The following NUP214 variants were observed in gnomAD, a reference collection of about 807,000 sequenced individuals.
NUP214 encodes nuclear pore complex protein Nup214.
Under a neutral mutation model 196.2 loss-of-function variants are expected in NUP214, and 79 were observed. The observed-to-expected ratio is 0.40, with a 90% CI of 0.34 to 0.49. The LOEUF is 0.49. NUP214 is among the 20% of genes least tolerant of loss of function. The pLI, the probability that NUP214 is intolerant of heterozygous loss-of-function variation, is 0.58. For synonymous variants in NUP214, 1,020 were observed against 990.5 expected, an observed-to-expected ratio of 1.03 and a Z score of -0.56; for missense variants, 2,468 against 2,539.0, an observed-to-expected ratio of 0.97 and a Z score of 0.60.
At chr9:131,144,093 A>C (rs924767145) in intron 11 of NUP214, among the ~76,000 whole-genome samples, 187 bp from the exon 12 acceptor site, 1 of 152,136 alleles carries the variant, frequency 6.6e-6, no homozygotes, top group Non-Finnish European at 1.5e-5. Context: ...GTTTTCCTTC[A>C]GTTTCATTTA....
At chr9:131,138,557 A>C (rs1392684296) in intron 9 of NUP214, among the ~76,000 whole-genome samples, 5 of 152,140 alleles carry the variant, frequency 3.3e-5, no homozygotes, top group African/African-American at 9.7e-5. Flanking sequence ...TTCCCCTGTG[A>C]TTCATGCTTC....
chr9:131,156,922 C>T (rs1832468923), intron 17 of NUP214, among the ~76,000 whole-genome samples: 1 of 152,152 alleles, frequency 6.6e-6, no homozygotes, highest in Non-Finnish European at 1.5e-5. Flanking sequence ...GTGTATAGCA[C>T]ATTATCTCCA....
chr9:131,139,359 C>G lies in NUP214; in HGVS notation c.1084C>G (p.Pro362Ala). Reference protein sequence around the residue: ...PVTDKSDDSLPMGVVVDYTNQ... With the variant: ...PVTDKSDDSLAMGVVVDYTNQ... ...GACAGACAAGAGTGATGACTCCTTGCCCATGGGAGTTGTCGTAGACTATAC... is the reference window on the plus strand; with the variant it reads ...GACAGACAAGAGTGATGACTCCTTGGCCATGGGAGTTGTCGTAGACTATAC... Residue 362 changes from proline to alanine, a missense_variant, in exon 10 of 36, where the codon CCC (proline) becomes GCC (alanine). Pro to Ala is a conservative substitution (Grantham distance 27, BLOSUM62 -1). Transcript: ENST00000359428. 1.2e-6 allele frequency: 2 copies of G among 1,606,140 alleles called. No individual in the cohort carries two copies. Among genetic ancestry groups the G allele is most frequent in the Non-Finnish European group, 1.7e-6 (2 of 1,177,252 alleles).
Position 131,228,267 on chromosome 9 carries a change from C to T in NUP214, c.6010C>T (p.Leu2004=). 6.2e-7 allele frequency: 1 copy of T among 1,604,698 alleles called. No homozygotes were observed. The highest frequency in any genetic ancestry group is 1.1e-5 in the South Asian group (1 of 89,812). The change falls in exon 33 of 36, where the codon CTG becomes TTG. Residue 2004 remains leucine (L), a synonymous_variant. Transcript: ENST00000359428. ...FGSAPAFTSP[L]GSTGGKVFGE... ...TTCAGCCCCAGCCTTTACAAGCCCT[C>T]TGGGCTCGACGGGAGGCAAAGTGTT...
intron 17 of NUP214, among the ~76,000 whole-genome samples, chr9:131,152,448 C>T (rs892294525): frequency 4.0e-5 from 6 of 151,766 alleles, no homozygotes; most frequent in Admixed American, 1.3e-4. Flanking sequence ...ATAGAGAATA[C>T]TCTGTTGAAA....
At chr9:131,175,723 C>A in intron 23 of NUP214, 102 bp downstream of exon 23, 2 of 1,448,042 alleles carry the variant, frequency 1.4e-6, no homozygotes, top group South Asian at 1.4e-5. Flanking sequence ...CTCTTTGGTG[C>A]CCTTCAGAAG....
Position 131,197,858 on chromosome 9 carries a change from C to T in NUP214, c.4364C>T (p.Pro1455Leu), listed in dbSNP as rs1337633331. The change falls in exon 29 of 36, where the codon CCA (proline) becomes CTA (leucine). Residue 1455 changes from proline (P) to leucine (L), a missense_variant. By Grantham distance (98) the Pro-to-Leu change is moderately conservative (BLOSUM62 -3). Around this residue, in one of 5 missense-constraint regions of NUP214, gnomAD observed 1,801 missense variants for 1,779.4 expected, o/e 1.01. Coordinates refer to ENST00000359428, the MANE Select transcript of NUP214 (RefSeq NM_005085.4). ...QTNSTVPPSAPPPTTAATPLP... is the reference protein window; with the variant it reads ...QTNSTVPPSALPPTTAATPLP... ...AATAGCACAGTGCCCCCATCTGCCC[C>T]ACCACCAACTACAGCTGCCACTCCC... The T allele has an allele frequency of 3.1e-6, 5 of 1,613,440 alleles. No individual in the cohort carries two copies. Among genetic ancestry groups the T allele is most frequent in the African/African-American group, 1.3e-5 (1 of 74,938 alleles).
In NUP214 at chr9:131,174,138, T is replaced by A. The variant is rs756022008; in HGVS notation, c.2977T>A (p.Ser993Thr). The A allele has an allele frequency of 2.5e-6, 4 of 1,613,732 alleles. No individual in the cohort carries two copies. The South Asian group carries it at 3.3e-5, about 13-fold the overall frequency. ...CAGCTCAACGTCATCTGTCTCCCAG[T>A]CTCTGGAGAGTGAAGATGCACGGAC... Reference protein sequence around the residue: ...EVSSTSSVSQSLESEDARTSC... With the variant: ...EVSSTSSVSQTLESEDARTSC... Residue 993 changes from serine (S) to threonine (T), a missense_variant, in exon 22 of 36, where the codon TCT becomes ACT. Transcript: ENST00000359428.
rs1831327026 is a variant in NUP214, at chr9:131,125,732, C to G, written c.28C>G (p.Pro10Ala). The change falls in exon 1 of 36, where the codon CCC becomes GCC. Residue 10 changes from proline (P) to alanine (A), a missense_variant. By Grantham distance (27) the Pro-to-Ala change is conservative (BLOSUM62 -1). Coordinates refer to ENST00000359428, the MANE Select transcript of NUP214 (RefSeq NM_005085.4). The surrounding 1 kb of genome is among the most constrained non-coding windows in gnomAD (Gnocchi z 4.1). The part of the protein sequence containing the change: MGDEMDAMI[P>A]EREMKDFQFR... ...GGGAGACGAGATGGATGCCATGATT[C>G]CCGAGCGGGAGATGAAGGTCAGAGA... 1.3e-6 allele frequency: 2 copies of G among 1,552,462 alleles called. No individual in the cohort carries two copies. Among genetic ancestry groups the G allele is most frequent in the Non-Finnish European group, 1.7e-6 (2 of 1,147,564 alleles).
Position 131,192,195 on chromosome 9 carries a change from T to TTTTTTC in NUP214, c.3575-13_3575-12insTTTTTC. The TTTTTTC allele has an allele frequency of 8.2e-7, 1 of 1,224,628 alleles. No homozygotes were observed. The highest frequency in any genetic ancestry group is 1.4e-5 in the South Asian group (1 of 69,902). The allele number at this position is 1,224,628 out of a possible 1,614,324, so 75.9% of individuals were successfully genotyped here. A position where few individuals can be genotyped will look rare whatever the true frequency, so the allele number is the denominator to read the frequency against. ...TTTTTTTTTTTTTTTTTTTTTTTTT[T>TTTTTTC]CCATAATTTCAGGGACAGCCAAGAT... On this transcript the variant is annotated splice_polypyrimidine_tract_variant and intron_variant, in intron 26 of 35. Transcript: ENST00000359428.
At chr9:131,149,128 C>T (rs2133508440) in intron 14 of NUP214, among the ~76,000 whole-genome samples, 1 of 145,404 alleles carries the variant, frequency 6.9e-6, no homozygotes. Context: ...CTTTTCCTTT[C>T]TGTGTCCCTC....
intron 32 of NUP214, among the ~76,000 whole-genome samples, chr9:131,223,742 T>TATTTA (rs1564219858): frequency 0.012 from 653 of 52,562 alleles, 31 homozygotes; most frequent in African/African-American, 0.036. Context: ...TTTTTTTTTT[T>TATTTA]TTTTTTTTTT....
chr9:131,228,859 G>A (rs1834795672), intron 33 of NUP214: 1 of 152,332 alleles, frequency 6.6e-6, no homozygotes. Context: ...GGATTTCGAA[G>A]CTGCTCTCAT....
At chr9:131,178,533 G>C (rs987967073) in intron 24 of NUP214, 123 bp downstream of exon 24, 9 of 669,242 alleles carry the variant, frequency 1.3e-5, no homozygotes, top group African/African-American at 9.0e-5. Flanking sequence ...AGGTTATAAG[G>C]GGGGTGGCGG....
chr9:131,233,655 A>G lies in NUP214; in HGVS notation c.*168A>G, dbSNP rs1273913961. ...CAAGGCGCATGATTACTTGTTTTAT[A>G]TTTCATGTTGGGTTTTCCCTCCCAC... On this transcript the variant is annotated 3_prime_UTR_variant, in exon 36 of 36. Transcript: ENST00000359428. 3 of 748,746 alleles carry G rather than the reference A, an allele frequency of 4.0e-6. No homozygotes were observed. Among genetic ancestry groups the G allele is most frequent in the Admixed American group, 2.0e-5 (1 of 48,916 alleles). 46.4% of individuals were successfully genotyped at this position (748,746 alleles called of 1,614,324 possible). A position where few individuals can be genotyped will look rare whatever the true frequency, so the allele number is the denominator to read the frequency against.
chr9:131,201,573 A>C (rs987645096), intron 29 of NUP214, 74 bp from the exon 30 acceptor site: 25 of 1,312,990 alleles, frequency 1.9e-5, no homozygotes, highest in African/African-American at 5.9e-5. Flanking sequence ...CAAAAAAAAA[A>C]AACAACAAAA....
chr9:131,216,213 CT>C (rs113694633), intron 31 of NUP214, among the ~76,000 whole-genome samples: 7,229 of 122,680 alleles, frequency 0.059, 210 homozygotes, highest in African/African-American at 0.12. Context: ...TTTAAAAATT[CT>C]TTTTTTTTTT....
intron 30 of NUP214, among the ~76,000 whole-genome samples, chr9:131,211,698 C>A (rs1182197891): frequency 6.6e-6 from 1 of 152,216 alleles, no homozygotes; most frequent in East Asian, 1.9e-4. Flanking sequence ...GTGAAAATGT[C>A]ATGGACGTTT....
Position 131,197,475 on chromosome 9 carries a change from T to A in NUP214, c.3981T>A (p.Ala1327=), listed in dbSNP as rs1223744988. The change falls in exon 29 of 36, where the codon GCT becomes GCA. Residue 1327 remains alanine (A), a synonymous_variant. Coordinates refer to ENST00000359428, the MANE Select transcript of NUP214 (RefSeq NM_005085.4). ...AGCTTCTGTTTCCAAGTTCTTTGGC[T>A]GGAGAGACTCTGGGAAGTTTTTCAG... ...LGELLFPSSL[A]GETLGSFSGL... is the part of the protein sequence containing the mutation. 2 of 1,614,186 alleles carry A rather than the reference T, an allele frequency of 1.2e-6. No individual in the cohort carries two copies. Among genetic ancestry groups the A allele is most frequent in the East Asian group, 2.2e-5 (1 of 44,886 alleles).
Sources: allele counts gnomAD v4.1 joint callset (sites outside exome capture counted in the v4.1 genomes callset), GRCh38; gene constraint gnomAD v4.1.1; regional missense constraint gnomAD v4.1.1; non-coding constraint Gnocchi (gnomAD v3.1); transcripts MANE v1.5; gene names NCBI Gene and HGNC (gene_info 2026-07-23, HGNC 2026-07-21).